The following LUC7L2 variants were observed in gnomAD, a reference collection of about 807,000 sequenced individuals.
LUC7L2 encodes putative RNA-binding protein Luc7-like 2.
In LUC7L2, 25 loss-of-function variants were observed where a neutral mutation model predicts 52.8. The observed-to-expected ratio is 0.47, with a 90% CI of 0.34 to 0.66. The LOEUF is 0.66. Ranked by LOEUF, LUC7L2 falls within the 30% of genes least tolerant of loss-of-function variation. LUC7L2 has a pLI of 0.01. For synonymous variants in LUC7L2, 144 were observed against 160.9 expected (o/e 0.89, Z 0.80); for missense variants, 328 against 497.8 (o/e 0.66, Z 3.25).
intron 1 of LUC7L2, chr7:139,363,344 G>A: frequency 1.4e-6 from 1 of 691,840 alleles, no homozygotes; most frequent in Non-Finnish European, 1.8e-6. Context: ...GGGTCTGACT[G>A]TATTTGGATT....
At chr7:139,391,589 T>G (rs572800201) in intron 2 of LUC7L2, among the ~76,000 whole-genome samples, 10 of 152,118 alleles carry the variant, frequency 6.6e-5, no homozygotes, top group Non-Finnish European at 1.2e-4. Flanking sequence ...TAAATTGGCT[T>G]CTTTTTTTTT....
At chr7:139,341,411 C>T (rs750742734) in intron 1 of LUC7L2, 29 of 1,613,474 alleles carry the variant, frequency 1.8e-5, no homozygotes, top group Non-Finnish European at 2.5e-5. Flanking sequence ...CCCCGTCGCA[C>T]ACTTTTCGAG....
intron 2 of LUC7L2, among the ~76,000 whole-genome samples, chr7:139,383,563 C>T (rs1361746786): frequency 8.3e-5 from 12 of 144,976 alleles, no homozygotes; most frequent in African/African-American, 2.3e-4. Flanking sequence ...AGGTGCTGCA[C>T]GCCACCATGC....
intron 8 of LUC7L2, chr7:139,412,813 G>C: frequency 5.1e-6 from 1 of 194,426 alleles, no homozygotes; most frequent in Non-Finnish European, 9.4e-6. Context: ...CAACAGAATA[G>C]GACTCTGTCT....
At chr7:139,345,142 A>G (rs1799210817) in intron 1 of LUC7L2, among the ~76,000 whole-genome samples, 1 of 152,176 alleles carries the variant, frequency 6.6e-6, no homozygotes, top group African/African-American at 2.4e-5. Flanking sequence ...GGTGACATTA[A>G]TGATGAGTGA....
intron 7 of LUC7L2, 67 bp downstream of exon 7, chr7:139,409,721 T>C (rs1795273784): frequency 1.3e-5 from 19 of 1,462,924 alleles, no homozygotes; most frequent in Non-Finnish European, 1.6e-5. Context: ...TATAATTGAT[T>C]TTAAATTTTA....
intron 1 of LUC7L2, chr7:139,375,389 C>T (rs1338058731): frequency 5.1e-6 from 5 of 985,272 alleles, no homozygotes; most frequent in Non-Finnish European, 4.8e-6. Context: ...AACCTTTGGA[C>T]GCATTAAAGT....
intron 8 of LUC7L2, chr7:139,416,040 A>AATATATATATATATAT (rs66498771): frequency 1.9e-4 from 19 of 97,840 alleles, no homozygotes; most frequent in South Asian, 4.0e-4. Flanking sequence ...TGAGGTATAA[A>AATATATATATATATAT]ATATATATAT....
intron 4 of LUC7L2, among the ~76,000 whole-genome samples, chr7:139,403,883 A>G (rs1427195823): frequency 6.6e-6 from 1 of 152,196 alleles, no homozygotes; most frequent in African/African-American, 2.4e-5. Context: ...AGAAGCATCA[A>G]GCCCCATCAC....
At chr7:139,410,137 G>GA (rs1795293783) in intron 7 of LUC7L2, among the ~76,000 whole-genome samples, 4 of 151,908 alleles carry the variant, frequency 2.6e-5, no homozygotes. Context: ...AACCTGGGGG[G>GA]GCAGAGCCTG....
At chr7:139,340,647 G>T in intron 1 of LUC7L2, 1 of 396,278 alleles carries the variant, frequency 2.5e-6, no homozygotes, top group Non-Finnish European at 4.4e-6. Flanking sequence ...TGACGATGAC[G>T]TACCAAAGAG....
chr7:139,359,241 T>A (rs747056386), upstream of LUC7L2: 1 of 152,266 alleles, frequency 6.6e-6, no homozygotes. Flanking sequence ...TGAGTTTTTA[T>A]GGTTTCACAT....
At chr7:139,363,278 C>T (rs1799975003) in intron 1 of LUC7L2, 1 of 977,190 alleles carries the variant, frequency 1.0e-6, no homozygotes, top group Admixed American at 6.2e-5. Context: ...AAACATTGGT[C>T]ACACTATATA....
chr7:139,376,248 C>T, intron 2 of LUC7L2, 92 bp downstream of exon 2: 1 of 1,285,832 alleles, frequency 7.8e-7, no homozygotes, highest in Admixed American at 1.9e-5. Flanking sequence ...AAAGAATTGA[C>T]TTGTGAGGGG....
At chr7:139,365,256 TC>T (rs1163268603) in intron 1 of LUC7L2, among the ~76,000 whole-genome samples, 3 of 152,228 alleles carry the variant, frequency 2.0e-5, no homozygotes, top group Non-Finnish European at 4.4e-5. Context: ...ATTGCATCGT[TC>T]CTGGATTCTC....
At chr7:139,411,420 A>G (rs1795355908) in intron 7 of LUC7L2, among the ~76,000 whole-genome samples, 1 of 152,206 alleles carries the variant, frequency 6.6e-6, no homozygotes, top group Admixed American at 6.5e-5. Flanking sequence ...GAATTTATCC[A>G]TATTCATCTA....
chr7:139,362,765 T>G (rs532770350), intron 1 of LUC7L2, among the ~76,000 whole-genome samples: 200 of 152,084 alleles, frequency 1.3e-3, no homozygotes, highest in African/African-American at 4.6e-3. Context: ...TCCTGGGGCT[T>G]TGGGAAAACA....
At chr7:139,387,228 T>C (rs1226951479) in intron 2 of LUC7L2, among the ~76,000 whole-genome samples, 4 of 152,190 alleles carry the variant, frequency 2.6e-5, no homozygotes, top group African/African-American at 7.2e-5. Context: ...TCAGATAATA[T>C]GACTTGTAAA....
At chr7:139,363,716 GA>G (rs1410860990) in intron 1 of LUC7L2, among the ~76,000 whole-genome samples, 1 of 152,096 alleles carries the variant, frequency 6.6e-6, no homozygotes, top group Admixed American at 6.5e-5. Flanking sequence ...CATTCTATTT[GA>G]AAGCAGGGAG....
Sources: gnomAD v4.1 joint callset for allele counts (sites outside exome capture counted in the v4.1 genomes callset) on GRCh38, gnomAD v4.1.1 for gene constraint, MANE v1.5 for transcripts, NCBI Gene and HGNC (gene_info 2026-07-23, HGNC 2026-07-21) for gene names.